Variants in AGBL1 observed in about 807,000 individuals in gnomAD.
The protein encoded by AGBL1 is cytosolic carboxypeptidase 4.
In AGBL1, 130 loss-of-function variants were observed where a neutral mutation model predicts 118.9. The observed-to-expected ratio is 1.09, with a 90% CI of 0.95 to 1.26. The LOEUF (loss-of-function observed/expected upper bound fraction) is 1.26. AGBL1 is among the 50% of genes most tolerant of loss of function. The pLI is 0.00. For missense variants in AGBL1, 1,584 were observed against 1,298.1 expected, an observed-to-expected ratio of 1.22 and a Z score of -3.38; for synonymous variants, 555 against 478.9, an observed-to-expected ratio of 1.16 and a Z score of -2.08.
At chr15:86,210,832 C>G (rs754725240) in intron 5 of AGBL1, among the ~76,000 whole-genome samples, 1 of 152,180 alleles carries the variant, frequency 6.6e-6, no homozygotes, top group Non-Finnish European at 1.5e-5. Flanking sequence ...TCGTCAGTGT[C>G]ATTCTCCGTC....
intron 22 of AGBL1, among the ~76,000 whole-genome samples, chr15:86,712,523 G>T (rs147934781): frequency 3.9e-5 from 6 of 152,232 alleles, no homozygotes; most frequent in African/African-American, 1.4e-4. Flanking sequence ...TAGAAATAAT[G>T]CCCAGGCTAA....
At chr15:86,405,426 G>C (rs921899148) in intron 18 of AGBL1, among the ~76,000 whole-genome samples, 1 of 152,104 alleles carries the variant, frequency 6.6e-6, no homozygotes, top group African/African-American at 2.4e-5. Context: ...TGAGACAGGA[G>C]AATGGCATGA....
At chr15:86,257,503 G>C (rs1441766883) in intron 8 of AGBL1, among the ~76,000 whole-genome samples, 1 of 152,152 alleles carries the variant, frequency 6.6e-6, no homozygotes, top group Non-Finnish European at 1.5e-5. Context: ...ATTTTCTATA[G>C]GCATAATTTT....
chr15:86,400,990 C>A (rs2081436914), intron 18 of AGBL1, among the ~76,000 whole-genome samples: 1 of 152,100 alleles, frequency 6.6e-6, no homozygotes, highest in Non-Finnish European at 1.5e-5. Flanking sequence ...AGTGGGATTA[C>A]TGGATTGAAT....
At chr15:86,507,707 G>A (rs2082995044) in intron 18 of AGBL1, among the ~76,000 whole-genome samples, 1 of 152,086 alleles carries the variant, frequency 6.6e-6, no homozygotes, top group African/African-American at 2.4e-5. Flanking sequence ...GAAAGAGACT[G>A]CCAGGTAGAA....
At chr15:87,013,126 GAT>G (rs926405180) in intron 24 of AGBL1, among the ~76,000 whole-genome samples, 2 of 152,134 alleles carry the variant, frequency 1.3e-5, no homozygotes, top group East Asian at 1.9e-4. Flanking sequence ...TTCACTCCAT[GAT>G]ATGTCTCTCA....
chr15:86,856,713 A>G (rs992272122), intron 22 of AGBL1, among the ~76,000 whole-genome samples: 1 of 152,232 alleles, frequency 6.6e-6, no homozygotes, highest in Admixed American at 6.5e-5. Context: ...CAAAAAAGTT[A>G]GTTACCTAGC....
chr15:86,781,149 G>A (rs1234141341), intron 22 of AGBL1, among the ~76,000 whole-genome samples: 1 of 151,936 alleles, frequency 6.6e-6, no homozygotes, highest in Non-Finnish European at 1.5e-5. Context: ...ACATAGAGAT[G>A]AATTTTTTTT....
At chr15:86,391,837 C>T (rs1290281486) in intron 17 of AGBL1, among the ~76,000 whole-genome samples, 1 of 151,888 alleles carries the variant, frequency 6.6e-6, no homozygotes, top group South Asian at 2.1e-4. Flanking sequence ...GTATTATGTA[C>T]TTTATGACCT....
chr15:86,411,854 G>A (rs1329136324), intron 18 of AGBL1, among the ~76,000 whole-genome samples: 1 of 152,162 alleles, frequency 6.6e-6, no homozygotes, highest in Non-Finnish European at 1.5e-5. Flanking sequence ...ACATAGCAGG[G>A]TAGTGATTAC....
At chr15:86,110,742 A>T (rs1469148220) in intron 1 of AGBL1, among the ~76,000 whole-genome samples, 4 of 152,110 alleles carry the variant, frequency 2.6e-5, no homozygotes, top group African/African-American at 7.2e-5. Flanking sequence ...AAATTAGGGG[A>T]TGTGTAATGT....
chr15:86,152,768 T>C (rs1469790705), intron 3 of AGBL1, among the ~76,000 whole-genome samples: 5 of 152,160 alleles, frequency 3.3e-5, no homozygotes, highest in African/African-American at 1.2e-4. Context: ...TCTACCTATC[T>C]GACAAAGGGC....
chr15:86,726,967 G>T (rs1001164564), intron 22 of AGBL1, among the ~76,000 whole-genome samples: 2 of 151,270 alleles, frequency 1.3e-5, no homozygotes, highest in African/African-American at 2.5e-5. Flanking sequence ...TCAGATACAC[G>T]TGGGGAGCTT....
chr15:86,905,374 C>T (rs2080268029), intron 22 of AGBL1, among the ~76,000 whole-genome samples: 1 of 152,154 alleles, frequency 6.6e-6, no homozygotes, highest in Admixed American at 6.5e-5. Context: ...AGCATCATTG[C>T]AAGTTCCACA....
At chr15:86,284,401 C>T (rs1355724279) in intron 16 of AGBL1, among the ~76,000 whole-genome samples, 2 of 152,072 alleles carry the variant, frequency 1.3e-5, no homozygotes, top group South Asian at 2.1e-4. Context: ...AGAGACTAAT[C>T]ATTTCTCACA....
chr15:86,653,013 G>C lies in AGBL1; in HGVS notation c.2995-21260G>C, dbSNP rs560602147. Among the ~76,000 whole-genome samples the C allele has an allele frequency of 2.0e-5, 3 of 152,262 alleles. No homozygotes were observed. In the East Asian group the frequency reaches 5.8e-4, roughly 29 times the overall value. On this transcript the variant is annotated intron_variant, in intron 21 of 22. Coordinates refer to ENST00000614907, the MANE Select transcript of AGBL1 (RefSeq NM_001386094.1). ...CCCAAATGTCAATAGTGCTGATGTA[G>C]AGAATCCTTGTTATAGACCCTAACA...
chr15:86,789,602 C>T (rs1342785675), intron 22 of AGBL1, among the ~76,000 whole-genome samples: 1 of 152,162 alleles, frequency 6.6e-6, no homozygotes, highest in Non-Finnish European at 1.5e-5. Flanking sequence ...CTAAGTAAAA[C>T]TGCAATCCAG....
At chr15:86,768,806 A>C (rs1163449725) in intron 22 of AGBL1, among the ~76,000 whole-genome samples, 2 of 151,982 alleles carry the variant, frequency 1.3e-5, no homozygotes, top group Non-Finnish European at 2.9e-5. Context: ...GGGGCCTCTT[A>C]TATCATATTA....
intron 17 of AGBL1, among the ~76,000 whole-genome samples, chr15:86,382,518 G>C (rs549033751): frequency 1.3e-5 from 2 of 152,136 alleles, no homozygotes; most frequent in East Asian, 3.9e-4. Flanking sequence ...AATTCTAAAG[G>C]TGAATACATT....
Sources: gnomAD v4.1 joint callset for allele counts (sites outside exome capture counted in the v4.1 genomes callset) on GRCh38, gnomAD v4.1.1 for gene constraint, MANE v1.5 for transcripts, NCBI Gene and HGNC (gene_info 2026-07-23, HGNC 2026-07-21) for gene names.